Variants in MYO1E observed in about 807,000 individuals in gnomAD.
The protein encoded by MYO1E is unconventional myosin-Ie.
Under a neutral mutation model 151.1 loss-of-function variants are expected in MYO1E, and 68 were observed. That is an observed-to-expected ratio of 0.45 (90% confidence interval 0.37 to 0.55). The LOEUF (loss-of-function observed/expected upper bound fraction) is 0.55. Among genes scored for constraint, MYO1E ranks in the 20% least tolerant of loss-of-function variants. MYO1E has a pLI of 0.00. For missense variants in MYO1E, 1,363 were observed against 1,389.3 expected, an observed-to-expected ratio of 0.98 and a Z score of 0.30; for synonymous variants, 601 against 501.7, an observed-to-expected ratio of 1.20 and a Z score of -2.64.
intron 13 of MYO1E, among the ~76,000 whole-genome samples, chr15:59,209,420 G>A (rs1566979571): frequency 6.7e-6 from 1 of 150,222 alleles, no homozygotes. Flanking sequence ...GCTCATGCCT[G>A]TAATCCCAGC....
chr15:59,315,931 A>G (rs781265695), intron 1 of MYO1E, among the ~76,000 whole-genome samples: 4 of 152,192 alleles, frequency 2.6e-5, no homozygotes, highest in Non-Finnish European at 5.9e-5. Flanking sequence ...GCTGCGATCC[A>G]TCAGCTTACT....
At chr15:59,152,084 C>G (rs1210081096) in intron 26 of MYO1E, among the ~76,000 whole-genome samples, 2 of 151,612 alleles carry the variant, frequency 1.3e-5, no homozygotes, top group East Asian at 1.9e-4. Flanking sequence ...AAAAAATTAG[C>G]TGGGTGTGGT....
intron 19 of MYO1E, among the ~76,000 whole-genome samples, chr15:59,174,656 C>T (rs1205306791): frequency 3.3e-5 from 5 of 152,220 alleles, no homozygotes; most frequent in Admixed American, 6.5e-5. Flanking sequence ...TGCATGCAGC[C>T]TCTAAACAGA....
chr15:59,353,769 AAAAC>A (rs1567022926), intron 1 of MYO1E, among the ~76,000 whole-genome samples: 19 of 148,002 alleles, frequency 1.3e-4, no homozygotes. Context: ...AAAAAAAAAA[AAAAC>A]AAAGAAAGAA....
intron 1 of MYO1E, among the ~76,000 whole-genome samples, chr15:59,360,214 GCA>G (rs1480312747): frequency 6.6e-6 from 1 of 152,154 alleles, no homozygotes; most frequent in Non-Finnish European, 1.5e-5. Context: ...CAAGTCCTGG[GCA>G]CGAAGCTAAA....
intron 10 of MYO1E, among the ~76,000 whole-genome samples, chr15:59,216,794 T>C (rs1251999427): frequency 1.3e-5 from 2 of 150,868 alleles, no homozygotes; most frequent in African/African-American, 2.4e-5. Flanking sequence ...TATTCCTTCC[T>C]CTAAAAGGTG....
chr15:59,277,440 G>A (rs1176802740), intron 1 of MYO1E, among the ~76,000 whole-genome samples: 1 of 151,748 alleles, frequency 6.6e-6, no homozygotes, highest in African/African-American at 2.4e-5. Flanking sequence ...GGCTACTCGG[G>A]AGGCTGAGGC....
At chr15:59,187,980 A>T in intron 18 of MYO1E, 138 bp downstream of exon 18, 1 of 725,300 alleles carries the variant, frequency 1.4e-6, no homozygotes, top group East Asian at 2.6e-5. Flanking sequence ...CCTAAAATTA[A>T]CGGTGGTGAT....
intron 18 of MYO1E, among the ~76,000 whole-genome samples, chr15:59,183,788 T>G (rs759267782): frequency 2.0e-5 from 3 of 152,160 alleles, no homozygotes; most frequent in Non-Finnish European, 2.9e-5. Context: ...ATTCTTTCTA[T>G]TTTTTTGTAT....
At chr15:59,147,795 GGT>G (rs1269984130) in intron 26 of MYO1E, among the ~76,000 whole-genome samples, 1 of 151,804 alleles carries the variant, frequency 6.6e-6, no homozygotes, top group Non-Finnish European at 1.5e-5. Flanking sequence ...AGCTGCCAAG[GGT>G]GTGTGTGTGT....
intron 3 of MYO1E, among the ~76,000 whole-genome samples, chr15:59,259,889 C>G (rs2080215439): frequency 6.6e-6 from 1 of 152,154 alleles, no homozygotes; most frequent in Admixed American, 6.5e-5. Context: ...CTCCATCACT[C>G]AGTAGATTTT....
intron 6 of MYO1E, among the ~76,000 whole-genome samples, chr15:59,229,666 C>T (rs1053812889): frequency 7.9e-5 from 12 of 151,006 alleles, no homozygotes; most frequent in Middle Eastern, 3.2e-3. Context: ...TGAAGTATTT[C>T]GTAATACATT....
intron 26 of MYO1E, among the ~76,000 whole-genome samples, chr15:59,153,320 A>G (rs139504817): frequency 3.2e-4 from 49 of 152,330 alleles, no homozygotes; most frequent in African/African-American, 1.0e-3. Flanking sequence ...CAGAGTAACC[A>G]TATCTGGGGC....
At chr15:59,148,938 A>G (rs140032112) in intron 26 of MYO1E, among the ~76,000 whole-genome samples, 224 of 152,312 alleles carry the variant, frequency 1.5e-3, no homozygotes, top group Non-Finnish European at 2.6e-3. Context: ...AATGCTTCCA[A>G]GAATGAACTG....
At chr15:59,290,661 T>C (rs1368524877) in intron 1 of MYO1E, among the ~76,000 whole-genome samples, 1 of 152,200 alleles carries the variant, frequency 6.6e-6, no homozygotes, top group Non-Finnish European at 1.5e-5. Flanking sequence ...TCAGACAACT[T>C]GAATATGTTT....
At position 59,153,331 on chromosome 15, in the gene MYO1E, C is replaced by A. The variant is rs116372100; in HGVS notation, c.3080+259G>T. Among the ~76,000 whole-genome samples, 1,319 of 152,262 alleles carry A rather than the reference C, an allele frequency of 8.7e-3. 24 individuals are homozygous for A. The highest frequency in any genetic ancestry group is 0.03 in the African/African-American group (1,247 of 41,532). On this transcript the variant is annotated intron_variant, in intron 26 of 27. Transcript: ENST00000288235. ...GTCACAGAGTAACCATATCTGGGGC[C>A]AAGGGGAACCCGTCTTCTGATGTTT...
intron 10 of MYO1E, among the ~76,000 whole-genome samples, chr15:59,216,828 G>T (rs547006912): frequency 6.6e-6 from 1 of 151,310 alleles, no homozygotes; most frequent in South Asian, 2.1e-4. Flanking sequence ...CTCCCCTTAA[G>T]TGTGATCTTT....
chr15:59,323,118 G>A lies in MYO1E; in HGVS notation c.3+49380C>T, dbSNP rs558548125. Among the ~76,000 whole-genome samples, 1,096 of 137,494 alleles carry A rather than the reference G, an allele frequency of 8.0e-3. 11 individuals are homozygous for A. Among genetic ancestry groups the A allele is most frequent in the Non-Finnish European group, 0.012 (812 of 66,108 alleles). 90.2% of individuals were successfully genotyped at this position (137,494 alleles called of 152,430 possible). A position where few individuals can be genotyped will look rare whatever the true frequency, so the allele number is the denominator to read the frequency against. On this transcript the variant is annotated intron_variant, in intron 1 of 27. Coordinates refer to ENST00000288235, the MANE Select transcript of MYO1E (RefSeq NM_004998.4). ...CAGGAGGCAGAGCTTGCAGTGAGCC[G>A]AGATCGCACCACTGCACTCCAGCCT...
At position 59,356,943 on chromosome 15, in the gene MYO1E, C is replaced by T. The variant is rs1381657351; in HGVS notation, c.3+15555G>A. Among the ~76,000 whole-genome samples the T allele has an allele frequency of 7.2e-5, 10 of 139,320 alleles. No homozygotes were observed. In the East Asian group the frequency reaches 1.5e-3, roughly 20 times the overall value. The allele number at this position is 139,320 out of a possible 152,430, so 91.4% of individuals were successfully genotyped here. On this transcript the variant is annotated intron_variant, in intron 1 of 27. Transcript: ENST00000288235. ...TTTTTGAGATGGAGTTTCACTCTTG[C>T]TGCCTAGGCTGGAGTGCAATGGCAC...
Sources: allele counts gnomAD v4.1 joint callset (sites outside exome capture counted in the v4.1 genomes callset), GRCh38; gene constraint gnomAD v4.1.1; transcripts MANE v1.5; gene names NCBI Gene and HGNC (gene_info 2026-07-23, HGNC 2026-07-21).